Variants in NFATC2 observed in about 807,000 individuals in gnomAD.
NFATC2 encodes nuclear factor of activated T cells 2.
In NFATC2, 22 loss-of-function variants were observed where a neutral mutation model predicts 87.3. The observed-to-expected ratio is 0.25, with a 90% CI of 0.18 to 0.36. NFATC2 has a LOEUF of 0.36. NFATC2 is among the 10% of genes least tolerant of loss of function. NFATC2 has a pLI of 1.00. For synonymous variants in NFATC2, 565 were observed against 542.2 expected, an observed-to-expected ratio of 1.04 and a Z score of -0.58; for missense variants, 1,149 against 1,259.1, an observed-to-expected ratio of 0.91 and a Z score of 1.32.
chr20:51,523,823 G>T lies in NFATC2; in HGVS notation c.418C>A (p.Pro140Thr). ...MRDAGLLVEQ[P>T]PLAGVAASPR... ...CTGGCGGCCACCCCGGCCAGGGGCG[G>T]CTGCTCCACCAGGAGGCCCGCGTCT... The change falls in exon 2 of 11, where the codon CCG becomes ACG. Residue 140 changes from proline (P) to threonine (T), a missense_variant. Pro to Thr is a conservative substitution (Grantham distance 38, BLOSUM62 -1). Coordinates refer to ENST00000371564, the MANE Select transcript of NFATC2 (RefSeq NM_012340.5). The surrounding 1 kb of genome is among the most constrained non-coding windows in gnomAD (Gnocchi z 6.9). The T allele has an allele frequency of 6.2e-7, 1 of 1,609,906 alleles. No individual in the cohort carries two copies. The highest frequency in any genetic ancestry group is 8.5e-7 in the Non-Finnish European group (1 of 1,178,166).
intron 1 of NFATC2, among the ~76,000 whole-genome samples, chr20:51,558,720 G>A (rs1024311428): frequency 2.6e-5 from 4 of 152,204 alleles, no homozygotes; most frequent in Non-Finnish European, 5.9e-5. Flanking sequence ...AAGTGTCTAG[G>A]GGCCCTGCTC....
At chr20:51,450,623 C>A (rs1312522779) in intron 6 of NFATC2, among the ~76,000 whole-genome samples, 1 of 152,148 alleles carries the variant, frequency 6.6e-6, no homozygotes, top group Non-Finnish European at 1.5e-5. Context: ...GAAGCTGAGG[C>A]CCAAAGAGGT....
intron 9 of NFATC2, among the ~76,000 whole-genome samples, chr20:51,425,557 G>A (rs1483094060): frequency 6.6e-6 from 1 of 152,234 alleles, no homozygotes; most frequent in Non-Finnish European, 1.5e-5. Context: ...TGGCTGCCGG[G>A]CTCACGGCAG....
intron 3 of NFATC2, among the ~76,000 whole-genome samples, chr20:51,507,751 G>A (rs2076208523): frequency 6.6e-6 from 1 of 152,224 alleles, no homozygotes; most frequent in Non-Finnish European, 1.5e-5. Context: ...CATGGGCTGT[G>A]GCTGCAGACG....
At chr20:51,514,047 A>G (rs2076313799) in intron 3 of NFATC2, among the ~76,000 whole-genome samples, 1 of 152,254 alleles carries the variant, frequency 6.6e-6, no homozygotes, top group Non-Finnish European at 1.5e-5. Context: ...CTGCATCATA[A>G]GGCTCTTTTG....
intron 5 of NFATC2, among the ~76,000 whole-genome samples, chr20:51,456,143 G>C (rs1986516688): frequency 6.6e-6 from 1 of 151,464 alleles, no homozygotes; most frequent in Non-Finnish European, 1.5e-5. Flanking sequence ...TGGATGGATG[G>C]GTGGGTGGAT....
chr20:51,478,705 T>C (rs534505848), intron 3 of NFATC2, among the ~76,000 whole-genome samples: 1 of 152,296 alleles, frequency 6.6e-6, no homozygotes, highest in Admixed American at 6.5e-5. Flanking sequence ...CTTCAAAGAC[T>C]TCCTGTGGCC....
chr20:51,448,223 C>T (rs1317882664), intron 6 of NFATC2, among the ~76,000 whole-genome samples: 1 of 152,098 alleles, frequency 6.6e-6, no homozygotes, highest in Non-Finnish European at 1.5e-5. Flanking sequence ...CGGGCAGTGG[C>T]ACAGAAGGTG....
intron 9 of NFATC2, among the ~76,000 whole-genome samples, chr20:51,416,245 G>A (rs924537375): frequency 2.6e-5 from 4 of 152,110 alleles, no homozygotes; most frequent in South Asian, 2.1e-4. Flanking sequence ...CTGAGAGAGA[G>A]AGAGTGAGAC....
chr20:51,527,346 C>T (rs1467964998), intron 1 of NFATC2, among the ~76,000 whole-genome samples: 2 of 152,138 alleles, frequency 1.3e-5, no homozygotes, highest in African/African-American at 4.8e-5. Context: ...ATGAGCTGGG[C>T]TTAAGTACTG....
At position 51,542,634 on chromosome 20, in the gene NFATC2, C is replaced by T. The variant is rs2076840022; in HGVS notation, c.-135G>A. Reference sequence around the variant, plus strand: ...TCCTCGTAGGGACGCACGCCGGGTCCGGGGACGGCGCGCCTGGCGCAGCGG... The same window carrying T: ...TCCTCGTAGGGACGCACGCCGGGTCTGGGGACGGCGCGCCTGGCGCAGCGG... On this transcript the variant is annotated 5_prime_UTR_variant, in exon 1 of 11. Transcript: ENST00000371564. 5.9e-6 allele frequency: 7 copies of T among 1,184,714 alleles called. No homozygotes were observed. Among genetic ancestry groups the T allele is most frequent in the Non-Finnish European group, 6.3e-6 (6 of 956,178 alleles). 73.4% of individuals were successfully genotyped at this position (1,184,714 alleles called of 1,614,324 possible). A position where few individuals can be genotyped will look rare whatever the true frequency, so the allele number is the denominator to read the frequency against.
intron 6 of NFATC2, among the ~76,000 whole-genome samples, chr20:51,438,521 CA>C (rs1362645118): frequency 1.3e-5 from 2 of 151,420 alleles, no homozygotes; most frequent in African/African-American, 4.9e-5. Context: ...GAAATGTGGT[CA>C]GGAAGTATTA....
At chr20:51,407,751 A>C (rs1978552814) in intron 9 of NFATC2, among the ~76,000 whole-genome samples, 1 of 152,230 alleles carries the variant, frequency 6.6e-6, no homozygotes, top group African/African-American at 2.4e-5. Context: ...TCAACTGCTG[A>C]GCAGACGGGG....
intron 6 of NFATC2, among the ~76,000 whole-genome samples, chr20:51,439,148 C>A (rs535357875): frequency 6.6e-6 from 1 of 152,358 alleles, no homozygotes; most frequent in Non-Finnish European, 1.5e-5. Flanking sequence ...CCTCAAGGCC[C>A]TGCACAACCT....
At chr20:51,437,080 T>G (rs548224936) in intron 6 of NFATC2, among the ~76,000 whole-genome samples, 1 of 142,380 alleles carries the variant, frequency 7.0e-6, no homozygotes, top group East Asian at 2.1e-4. Flanking sequence ...AGCAGAACAC[T>G]ACTCCCCCAG....
chr20:51,458,633 C>T (rs987893613), intron 5 of NFATC2, among the ~76,000 whole-genome samples: 17 of 143,524 alleles, frequency 1.2e-4, no homozygotes, highest in Non-Finnish European at 2.4e-4. Flanking sequence ...CCCGTCTCTA[C>T]TAAAACTCCA....
At chr20:51,396,087 TATATATAA>T (rs1987085825) in intron 10 of NFATC2, among the ~76,000 whole-genome samples, 2 of 117,958 alleles carry the variant, frequency 1.7e-5, no homozygotes, top group East Asian at 2.5e-4. Context: ...TATATATATA[TATATATAA>T]GCTAATGGCA....
At chr20:51,556,326 A>T (rs1178510147) in intron 1 of NFATC2, among the ~76,000 whole-genome samples, 1 of 152,172 alleles carries the variant, frequency 6.6e-6, no homozygotes, top group Non-Finnish European at 1.5e-5. Context: ...ACTGGAAACT[A>T]CTACACCCAC....
At chr20:51,421,876 A>ATCT (rs11466949) in intron 9 of NFATC2, among the ~76,000 whole-genome samples, 19,522 of 152,188 alleles carry the variant, frequency 0.13, 3,750 homozygotes, top group African/African-American at 0.41. Flanking sequence ...AACTCAATCC[A>ATCT]GTTGGGGAGA....
Sources: gnomAD v4.1 joint callset for allele counts (sites outside exome capture counted in the v4.1 genomes callset) on GRCh38, gnomAD v4.1.1 for gene constraint, Gnocchi (gnomAD v3.1) non-coding constraint, MANE v1.5 for transcripts, NCBI Gene and HGNC (gene_info 2026-07-23, HGNC 2026-07-21) for gene names.